The following SCFD2 variants were observed in gnomAD, a reference collection of about 807,000 sequenced individuals.
SCFD2 encodes sec1 family domain containing 2.
In SCFD2, 54 loss-of-function variants were observed where a neutral mutation model predicts 58.9. The observed-to-expected ratio is 0.92, with a 90% CI of 0.74 to 1.15. The LOEUF (loss-of-function observed/expected upper bound fraction) is 1.15, where lower values mean the gene tolerates loss of function less well. Among genes scored for constraint, SCFD2 ranks in the 50% most tolerant of loss-of-function variants. The pLI is 0.00. For synonymous variants in SCFD2, 321 were observed against 335.9 expected, an observed-to-expected ratio of 0.96 and a Z score of 0.49; for missense variants, 805 against 836.6, an observed-to-expected ratio of 0.96 and a Z score of 0.47.
intron 5 of SCFD2, chr4:52,957,142 G>C (rs1720730216): frequency 6.6e-6 from 1 of 152,102 alleles, no homozygotes; most frequent in South Asian, 2.1e-4. Flanking sequence ...CAGAAGGAGT[G>C]GGGTTGTAAA....
intron 2 of SCFD2, among the ~76,000 whole-genome samples, chr4:53,331,154 G>C (rs1349561432): frequency 6.6e-6 from 1 of 151,712 alleles, no homozygotes; most frequent in East Asian, 1.9e-4. Flanking sequence ...ATGGGAGACT[G>C]TAACACCCCA....
At chr4:53,309,061 C>T (rs1209887080) in intron 3 of SCFD2, among the ~76,000 whole-genome samples, 4 of 151,212 alleles carry the variant, frequency 2.6e-5, no homozygotes, top group African/African-American at 4.9e-5. Context: ...TGAACCCAGG[C>T]GGCGGAGGTT....
intron 5 of SCFD2, among the ~76,000 whole-genome samples, chr4:53,128,896 C>G (rs1452113396): frequency 6.6e-6 from 1 of 152,034 alleles, no homozygotes; most frequent in South Asian, 2.1e-4. Flanking sequence ...CTTTCTTGGC[C>G]AAAGATTGAA....
chr4:53,123,267 A>C (rs1189903486), intron 5 of SCFD2, among the ~76,000 whole-genome samples: 1 of 152,232 alleles, frequency 6.6e-6, no homozygotes, highest in South Asian at 2.1e-4. Flanking sequence ...ATTTGCAAAC[A>C]CTTGAACATT....
At chr4:53,139,138 C>T (rs1046900130) in intron 5 of SCFD2, among the ~76,000 whole-genome samples, 17 of 152,166 alleles carry the variant, frequency 1.1e-4, no homozygotes, top group South Asian at 4.1e-4. Context: ...CCCGAGGTGC[C>T]GGGATTGCAG....
chr4:53,154,928 G>A (rs1350384182), intron 4 of SCFD2, among the ~76,000 whole-genome samples: 1 of 152,240 alleles, frequency 6.6e-6, no homozygotes, highest in Non-Finnish European at 1.5e-5. Context: ...AATGCAGGGG[G>A]CCTGTGGAAG....
intron 1 of SCFD2, among the ~76,000 whole-genome samples, chr4:53,362,664 A>AGGG: frequency 7.1e-6 from 1 of 141,310 alleles, no homozygotes; most frequent in Non-Finnish European, 1.5e-5. Flanking sequence ...CAACTCTTTC[A>AGGG]AGTTTGCTAT....
chr4:53,138,984 C>T (rs1726026712), intron 5 of SCFD2, among the ~76,000 whole-genome samples: 1 of 152,046 alleles, frequency 6.6e-6, no homozygotes, highest in African/African-American at 2.4e-5. Flanking sequence ...GATTCTCCTG[C>T]CTCAGCCTGC....
At chr4:53,220,761 A>G (rs1729025129) in intron 4 of SCFD2, among the ~76,000 whole-genome samples, 1 of 152,224 alleles carries the variant, frequency 6.6e-6, no homozygotes, top group Admixed American at 6.5e-5. Context: ...GACTCCATCC[A>G]GTTATCACTG....
chr4:53,072,809 A>AGTAAACT (rs376250829), intron 5 of SCFD2, among the ~76,000 whole-genome samples: 29,503 of 151,880 alleles, frequency 0.19, 3,447 homozygotes, highest in Non-Finnish European at 0.27. Flanking sequence ...TCTTTCTTTC[A>AGTAAACT]CCTAGTAAAC....
chr4:53,025,534 C>T (rs1722451343), intron 5 of SCFD2, among the ~76,000 whole-genome samples: 1 of 26,956 alleles, frequency 3.7e-5, no homozygotes, highest in South Asian at 2.8e-3. Flanking sequence ...TTTATCAAAG[C>T]ACAATTTTTC....
At chr4:53,313,321 T>A (rs1429909431) in intron 3 of SCFD2, among the ~76,000 whole-genome samples, 1 of 151,864 alleles carries the variant, frequency 6.6e-6, no homozygotes, top group Non-Finnish European at 1.5e-5. Flanking sequence ...AAAAAGGGAG[T>A]AGGGTTGGAA....
chr4:53,059,612 CT>C (rs1560317861), intron 5 of SCFD2, among the ~76,000 whole-genome samples: 1 of 12,760 alleles, frequency 7.8e-5, no homozygotes, highest in African/African-American at 1.2e-4. Flanking sequence ...AATCTCCTTT[CT>C]CTTTTTTTTT....
intron 3 of SCFD2, among the ~76,000 whole-genome samples, chr4:53,285,595 T>G (rs1159768065): frequency 2.0e-5 from 3 of 151,704 alleles, no homozygotes; most frequent in African/African-American, 7.3e-5. Context: ...AAAAAACAAC[T>G]AAATTTCAAG....
At chr4:52,923,547 C>T (rs1719794051) in intron 5 of SCFD2, among the ~76,000 whole-genome samples, 1 of 151,720 alleles carries the variant, frequency 6.6e-6, no homozygotes, top group South Asian at 2.1e-4. Context: ...GAAAATGCCT[C>T]CTCACAACAG....
intron 5 of SCFD2, among the ~76,000 whole-genome samples, chr4:53,061,439 G>A (rs1046718290): frequency 1.3e-5 from 2 of 152,116 alleles, no homozygotes; most frequent in African/African-American, 4.8e-5. Context: ...CAGAGCTCCT[G>A]CTCTAAATCA....
At chr4:53,161,929 T>C (rs1726865339) in intron 4 of SCFD2, among the ~76,000 whole-genome samples, 1 of 152,168 alleles carries the variant, frequency 6.6e-6, no homozygotes, top group Non-Finnish European at 1.5e-5. Flanking sequence ...TGGCCCCAGG[T>C]TAGGCCTGTT....
At chr4:53,297,632 T>C (rs1349854888) in intron 3 of SCFD2, among the ~76,000 whole-genome samples, 3 of 152,228 alleles carry the variant, frequency 2.0e-5, no homozygotes, top group Admixed American at 2.0e-4. Context: ...TGTCTTTTAA[T>C]TGGGGCATTT....
intron 5 of SCFD2, among the ~76,000 whole-genome samples, chr4:52,969,320 T>G (rs1021479307): frequency 2.6e-5 from 4 of 152,256 alleles, no homozygotes; most frequent in African/African-American, 9.6e-5. Flanking sequence ...TAAGTATCAT[T>G]GAATAATTTT....
Sources: allele counts gnomAD v4.1 joint callset (sites outside exome capture counted in the v4.1 genomes callset), GRCh38; gene constraint gnomAD v4.1.1; transcripts MANE v1.5; gene names NCBI Gene and HGNC (gene_info 2026-07-23, HGNC 2026-07-21).